Variants in ZFYVE9 observed in about 807,000 individuals in gnomAD.
The protein encoded by ZFYVE9 is zinc finger FYVE domain-containing protein 9.
ZFYVE9 carries 43 observed loss-of-function variants against 126.7 expected under a neutral mutation model. That is an observed-to-expected ratio of 0.34 (90% CI 0.27 to 0.44). ZFYVE9 has a LOEUF of 0.44. Among genes scored for constraint, ZFYVE9 ranks in the 20% least tolerant of loss-of-function variants. The probability of loss-of-function intolerance (pLI) is 1.00; values close to 1 mark genes in which losing one functional copy is unlikely to be tolerated. For missense variants in ZFYVE9, 1,476 were observed against 1,697.0 expected (o/e 0.87, Z 2.29); for synonymous variants, 521 against 597.4 (o/e 0.87, Z 1.87).
intron 2 of ZFYVE9, among the ~76,000 whole-genome samples, chr1:52,223,101 C>T (rs1163322822): frequency 1.3e-5 from 2 of 151,990 alleles, no homozygotes; most frequent in Non-Finnish European, 2.9e-5. Context: ...TGGGTCCCAC[C>T]ATTAAATTTA....
At chr1:52,160,155 T>G in intron 1 of ZFYVE9, 2 of 627,716 alleles carry the variant, frequency 3.2e-6, no homozygotes, top group Non-Finnish European at 5.8e-6. Context: ...TTCTCTGGAG[T>G]AGCTGTGAAG....
chr1:52,143,466 T>A (rs1644279936), intron 1 of ZFYVE9, among the ~76,000 whole-genome samples: 2 of 152,224 alleles, frequency 1.3e-5, no homozygotes, highest in Admixed American at 1.3e-4. Context: ...AAAACTTTTA[T>A]AATCATGAAA....
At chr1:52,313,365 A>G (rs1646155315) in intron 13 of ZFYVE9, among the ~76,000 whole-genome samples, 1 of 152,198 alleles carries the variant, frequency 6.6e-6, no homozygotes, top group African/African-American at 2.4e-5. Flanking sequence ...CAGGCCATAG[A>G]GCGGGTAGGG....
intron 13 of ZFYVE9, among the ~76,000 whole-genome samples, chr1:52,313,570 G>T (rs1363472242): frequency 5.3e-5 from 8 of 152,200 alleles, no homozygotes; most frequent in Admixed American, 4.6e-4. Flanking sequence ...GCACTGCAAA[G>T]AAATGGGTAG....
At chr1:52,216,184 T>C (rs1645070918) in intron 1 of ZFYVE9, among the ~76,000 whole-genome samples, 185 bp from the exon 2 acceptor site, 1 of 152,228 alleles carries the variant, frequency 6.6e-6, no homozygotes, top group African/African-American at 2.4e-5. Flanking sequence ...ACTTTTGGCC[T>C]TTCAGACAAT....
chr1:52,267,704 G>A (rs1423909192), intron 6 of ZFYVE9, among the ~76,000 whole-genome samples: 2 of 151,682 alleles, frequency 1.3e-5, no homozygotes, highest in Non-Finnish European at 2.9e-5. Flanking sequence ...ATGAATTTAG[G>A]CTTTCTTAAA....
rs1232184562 is a variant in ZFYVE9 at position 52,250,150 on chromosome 1, A to G, written c.2178+10555A>G. Among the ~76,000 whole-genome samples, 3 of 152,204 alleles carry G rather than the reference A, an allele frequency of 2.0e-5. No individual in the cohort carries two copies. The South Asian group carries it at 6.2e-4, about 31-fold the overall frequency. On this transcript the variant is annotated intron_variant, in intron 4 of 18. Transcript: ENST00000287727. Reference sequence around the variant, plus strand: ...ATGGATTTTTCTGTTTCTGCAGAAAACATGGTTAGGGTTTTGATAGAGATT... The same window carrying G: ...ATGGATTTTTCTGTTTCTGCAGAAAGCATGGTTAGGGTTTTGATAGAGATT...
rs146834270 is a variant in ZFYVE9 at position 52,235,269 on chromosome 1, A to G, written c.70+1993A>G. ...GAGAATATACTTAAAATGATTTCTCATTTTGTGTTAATTTATTTTCTCATT... is the reference window on the plus strand; with the variant it reads ...GAGAATATACTTAAAATGATTTCTCGTTTTGTGTTAATTTATTTTCTCATT... On this transcript the variant is annotated intron_variant, in intron 3 of 18. Transcript: ENST00000287727. Among the ~76,000 whole-genome samples the G allele has an allele frequency of 4.9e-3, 742 of 151,666 alleles. 4 individuals are homozygous for G. The highest frequency in any genetic ancestry group is 0.017 in the African/African-American group (709 of 41,536).
intron 1 of ZFYVE9, among the ~76,000 whole-genome samples, chr1:52,202,398 G>C (rs1644931623): frequency 6.6e-6 from 1 of 151,886 alleles, no homozygotes; most frequent in Non-Finnish European, 1.5e-5. Flanking sequence ...TCCTGCATTA[G>C]GCTCCCAAGT....
At chr1:52,276,625 C>T (rs1215364578) in intron 8 of ZFYVE9, among the ~76,000 whole-genome samples, 1 of 152,174 alleles carries the variant, frequency 6.6e-6, no homozygotes, top group Non-Finnish European at 1.5e-5. Flanking sequence ...TTTTCCATTT[C>T]TTCCTTTCTT....
intron 1 of ZFYVE9, among the ~76,000 whole-genome samples, chr1:52,175,574 C>G (rs1331796865): frequency 1.3e-5 from 2 of 151,004 alleles, no homozygotes; most frequent in African/African-American, 2.4e-5. Context: ...TGGGGAAGTT[C>G]TCCTGGATAA....
chr1:52,294,202 A>T (rs958644969), intron 11 of ZFYVE9, among the ~76,000 whole-genome samples: 1 of 152,198 alleles, frequency 6.6e-6, no homozygotes, highest in Non-Finnish European at 1.5e-5. Context: ...TTATATCTCC[A>T]TCTAATTAAA....
intron 13 of ZFYVE9, among the ~76,000 whole-genome samples, chr1:52,310,379 A>G (rs913235643): frequency 6.6e-6 from 1 of 152,218 alleles, no homozygotes; most frequent in Admixed American, 6.5e-5. Context: ...TGACATGAGT[A>G]TGCTAACTAC....
intron 17 of ZFYVE9, among the ~76,000 whole-genome samples, chr1:52,341,471 C>G (rs902050573): frequency 2.0e-5 from 3 of 152,010 alleles, no homozygotes; most frequent in African/African-American, 7.3e-5. Context: ...CTCTTCATCC[C>G]CAAGAGGTCT....
Position 52,169,582 on chromosome 1 carries a change from G to A in ZFYVE9, c.-143+27179G>A, listed in dbSNP as rs571517069. Among the ~76,000 whole-genome samples the A allele has an allele frequency of 4.7e-4, 71 of 152,186 alleles. No homozygotes were observed. The Middle Eastern group carries it at 0.014, about 29-fold the overall frequency. ...CTGTTTACTTGCTGTTTCATCTCCA[G>A]TGCTAATACTCAAATTCAACAACCT... On this transcript the variant is annotated intron_variant, in intron 1 of 18. Coordinates refer to ENST00000287727, the MANE Select transcript of ZFYVE9 (RefSeq NM_004799.4).
At chr1:52,202,657 A>AT (rs891692785) in intron 1 of ZFYVE9, among the ~76,000 whole-genome samples, 2 of 151,526 alleles carry the variant, frequency 1.3e-5, no homozygotes, top group Admixed American at 1.3e-4. Context: ...CTTCAAAGCA[A>AT]TTTTTTTAAA....
intron 7 of ZFYVE9, among the ~76,000 whole-genome samples, chr1:52,272,284 A>T (rs948680757): frequency 6.6e-6 from 1 of 152,258 alleles, no homozygotes; most frequent in African/African-American, 2.4e-5. Flanking sequence ...ACACACAAAC[A>T]CACACACATA....
At chr1:52,293,981 T>C (rs1645949740) in intron 11 of ZFYVE9, among the ~76,000 whole-genome samples, 1 of 152,218 alleles carries the variant, frequency 6.6e-6, no homozygotes, top group Admixed American at 6.5e-5. Flanking sequence ...CTGTATATGA[T>C]GAGCATATTC....
intron 6 of ZFYVE9, 101 bp downstream of exon 6, chr1:52,266,932 T>A: frequency 9.0e-7 from 1 of 1,105,188 alleles, no homozygotes; most frequent in Non-Finnish European, 1.2e-6. Context: ...ACACTGCAGA[T>A]AAGTCTCTTT....
Sources: allele counts gnomAD v4.1 joint callset (sites outside exome capture counted in the v4.1 genomes callset), GRCh38; gene constraint gnomAD v4.1.1; transcripts MANE v1.5; gene names NCBI Gene and HGNC (gene_info 2026-07-23, HGNC 2026-07-21).